Variants in ARNT2 observed in about 807,000 individuals in gnomAD.
ARNT2 encodes aryl hydrocarbon receptor nuclear translocator 2.
ARNT2 carries 36 observed loss-of-function variants against 91.7 expected under a neutral mutation model. That is an observed-to-expected ratio of 0.39 (90% CI 0.30 to 0.52). The LOEUF (loss-of-function observed/expected upper bound fraction) is 0.52, where lower values mean the gene tolerates loss of function less well. ARNT2 is among the 20% of genes least tolerant of loss of function. The pLI is 0.72. For missense variants in ARNT2, 775 were observed against 939.3 expected (o/e 0.83, Z 2.29); for synonymous variants, 365 against 347.1 (o/e 1.05, Z -0.57).
At chr15:80,458,341 A>G (rs1265116510) in intron 3 of ARNT2, among the ~76,000 whole-genome samples, 6 of 152,170 alleles carry the variant, frequency 3.9e-5, no homozygotes, top group African/African-American at 1.4e-4. Context: ...TTATAAAGCA[A>G]ACAGAGGAAT....
At position 80,591,651 on chromosome 15, in the gene ARNT2, C is replaced by G. The variant is rs764051873; in HGVS notation, c.2002C>G (p.Gln668Glu). The G allele has an allele frequency of 3.7e-6, 6 of 1,614,142 alleles. No homozygotes were observed. The East Asian group carries it at 1.1e-4, about 30-fold the overall frequency. Reference protein sequence around the residue: ...SQWQSQHHGQQSGEQHSHQQP... With the variant: ...SQWQSQHHGQESGEQHSHQQP... Reference sequence around the variant, plus strand: ...GTGGCAAAGCCAGCACCATGGCCAGCAGAGCGGTGAGCAGCACTCCCACCA... The same window carrying G: ...GTGGCAAAGCCAGCACCATGGCCAGGAGAGCGGTGAGCAGCACTCCCACCA... The change falls in exon 18 of 19, where the codon CAG becomes GAG. Residue 668 changes from glutamine (Q) to glutamate (E), a missense_variant. Coordinates refer to ENST00000303329, the MANE Select transcript of ARNT2 (RefSeq NM_014862.4). This position sits in a 1 kb window ranked among gnomAD's most constrained non-coding sequence, Gnocchi z 5.1.
Position 80,404,411 on chromosome 15 carries a change from C to A in ARNT2, c.-105C>A. The A allele has an allele frequency of 3.0e-6, 2 of 666,122 alleles. No homozygotes were observed. The highest frequency in any genetic ancestry group is 3.8e-6 in the Non-Finnish European group (2 of 529,458). 41.3% of individuals were successfully genotyped at this position (666,122 alleles called of 1,614,324 possible). On this transcript the variant is annotated 5_prime_UTR_variant, in exon 1 of 19. Coordinates refer to ENST00000303329, the MANE Select transcript of ARNT2 (RefSeq NM_014862.4). The surrounding 1 kb of genome is among the most constrained non-coding windows in gnomAD (Gnocchi z 5.5). Reference sequence around the variant, plus strand: ...CCCGCCCGCGCCGTCCTTTGTGTGGCGGCGGCGGCGCCTGGGCCTGACCGG... The same window carrying A: ...CCCGCCCGCGCCGTCCTTTGTGTGGAGGCGGCGGCGCCTGGGCCTGACCGG...
chr15:80,507,545 G>A (rs941110818), intron 5 of ARNT2, among the ~76,000 whole-genome samples: 2 of 152,134 alleles, frequency 1.3e-5, no homozygotes, highest in African/African-American at 4.8e-5. Context: ...TGAAGAGGTT[G>A]ATGCTAGAGG....
intron 8 of ARNT2, among the ~76,000 whole-genome samples, chr15:80,537,975 C>T (rs1897851575): frequency 6.6e-6 from 1 of 152,104 alleles, no homozygotes; most frequent in Non-Finnish European, 1.5e-5. Flanking sequence ...GGAATTTGGA[C>T]ACAGACGTGG....
chr15:80,426,068 A>G (rs2141565168), intron 1 of ARNT2, among the ~76,000 whole-genome samples: 1 of 152,232 alleles, frequency 6.6e-6, no homozygotes, highest in South Asian at 2.1e-4. Context: ...CGAAAAGAAA[A>G]GAAAAGAAAA....
chr15:80,546,750 G>A (rs1432186068), intron 8 of ARNT2, among the ~76,000 whole-genome samples: 6 of 152,024 alleles, frequency 3.9e-5, no homozygotes, highest in Non-Finnish European at 8.8e-5. Context: ...GGATCATGAG[G>A]CCAGGAGTTC....
At chr15:80,488,632 T>C (rs543759566) in intron 5 of ARNT2, 1 of 152,304 alleles carries the variant, frequency 6.6e-6, no homozygotes, top group East Asian at 1.9e-4. Flanking sequence ...CATCTGTCTT[T>C]CAAAAGCTAC....
intron 8 of ARNT2, among the ~76,000 whole-genome samples, chr15:80,522,835 T>TAC (rs1169945868): frequency 8.1e-5 from 12 of 148,970 alleles, no homozygotes; most frequent in African/African-American, 1.8e-4. Context: ...TATATATATA[T>TAC]ACACACATTA....
intron 1 of ARNT2, among the ~76,000 whole-genome samples, chr15:80,433,546 G>T (rs138712224): frequency 6.6e-6 from 1 of 151,604 alleles, no homozygotes; most frequent in Admixed American, 6.6e-5. Context: ...ACCTCCCCCC[G>T]CCTCGGCCTC....
chr15:80,448,694 A>C (rs188082762), intron 1 of ARNT2, among the ~76,000 whole-genome samples: 5 of 152,314 alleles, frequency 3.3e-5, no homozygotes, highest in Admixed American at 6.5e-5. Flanking sequence ...TTAAAATACC[A>C]AAACTTGGGC....
At chr15:80,455,542 T>G (rs972024715) in intron 2 of ARNT2, among the ~76,000 whole-genome samples, 2 of 152,062 alleles carry the variant, frequency 1.3e-5, no homozygotes, top group African/African-American at 4.8e-5. Flanking sequence ...CTTATCTGTC[T>G]GGTCCCACAA....
At chr15:80,491,310 G>A (rs559108931) in intron 5 of ARNT2, among the ~76,000 whole-genome samples, 1 of 152,278 alleles carries the variant, frequency 6.6e-6, no homozygotes, top group South Asian at 2.1e-4. Flanking sequence ...AACAAGTCAC[G>A]ACTTACATGG....
At chr15:80,475,304 C>T (rs1395618095) in intron 5 of ARNT2, 81 bp downstream of exon 5, 13 of 1,461,116 alleles carry the variant, frequency 8.9e-6, no homozygotes, top group Admixed American at 3.7e-5. Flanking sequence ...CCTGTAATCC[C>T]AGTACTTTGG....
chr15:80,562,066 AT>A (rs1447028992), intron 11 of ARNT2, among the ~76,000 whole-genome samples: 5 of 144,776 alleles, frequency 3.5e-5, no homozygotes, highest in Non-Finnish European at 6.0e-5. Flanking sequence ...TATTTTATTT[AT>A]TCTTCTTCCT....
chr15:80,443,937 T>C (rs1242707288), intron 1 of ARNT2, among the ~76,000 whole-genome samples: 1 of 152,184 alleles, frequency 6.6e-6, no homozygotes, highest in Non-Finnish European at 1.5e-5. Context: ...GCGGATTACT[T>C]TTCCTTGTGT....
intron 5 of ARNT2, among the ~76,000 whole-genome samples, chr15:80,501,989 C>A (rs1043186768): frequency 2.0e-5 from 3 of 152,196 alleles, no homozygotes; most frequent in African/African-American, 7.2e-5. Context: ...GCTTCCACAG[C>A]TTCTGGTTGT....
intron 11 of ARNT2, among the ~76,000 whole-genome samples, chr15:80,561,677 T>C (rs1215638466): frequency 3.9e-5 from 6 of 152,178 alleles, no homozygotes; most frequent in Non-Finnish European, 8.8e-5. Context: ...ATCTTGTGCC[T>C]TCCCACTCTG....
In ARNT2 at chr15:80,597,186, C is replaced by T. The variant is rs759034862; in HGVS notation, c.*3488C>T. ...TTCTAGCTTTAGCCGAGAAAGAAACCAGTCCCAGGGAATGAATGGTGGTCT... is the reference window on the plus strand; with the variant it reads ...TTCTAGCTTTAGCCGAGAAAGAAACTAGTCCCAGGGAATGAATGGTGGTCT... On this transcript the variant is annotated 3_prime_UTR_variant, in exon 19 of 19. Transcript: ENST00000303329. 1 of 518,370 alleles carries T rather than the reference C, an allele frequency of 1.9e-6. No homozygotes were observed. Among genetic ancestry groups the T allele is most frequent in the East Asian group, 5.5e-5 (1 of 18,336 alleles). 32.1% of individuals were successfully genotyped at this position (518,370 alleles called of 1,614,324 possible). A position where few individuals can be genotyped will look rare whatever the true frequency, so the allele number is the denominator to read the frequency against.
chr15:80,489,806 C>T (rs1373771969), intron 5 of ARNT2, among the ~76,000 whole-genome samples: 2 of 152,292 alleles, frequency 1.3e-5, no homozygotes, highest in African/African-American at 4.8e-5. Flanking sequence ...GTGGACTCAC[C>T]GACAGCCATG....
Sources: allele counts gnomAD v4.1 joint callset (sites outside exome capture counted in the v4.1 genomes callset), GRCh38; gene constraint gnomAD v4.1.1; non-coding constraint Gnocchi (gnomAD v3.1); transcripts MANE v1.5; gene names NCBI Gene and HGNC (gene_info 2026-07-23, HGNC 2026-07-21).